The following SHANK2 variants were observed in gnomAD, a reference collection of about 807,000 sequenced individuals.
SHANK2 encodes the protein SH3 and multiple ankyrin repeat domains 2, also known as SH3 and multiple ankyrin repeat domains protein 2.
In SHANK2, 43 loss-of-function variants were observed where a neutral mutation model predicts 133.7. The observed-to-expected ratio is 0.32, with a 90% CI of 0.25 to 0.41. The LOEUF (loss-of-function observed/expected upper bound fraction) is 0.41, where lower values mean the gene tolerates loss of function less well. SHANK2 is among the 10% of genes least tolerant of loss of function. The pLI, the probability that SHANK2 is intolerant of heterozygous loss-of-function variation, is 1.00. For synonymous variants in SHANK2, 1,017 were observed against 952.8 expected, an observed-to-expected ratio of 1.07 and a Z score of -1.24; for missense variants, 1,994 against 2,235.8, an observed-to-expected ratio of 0.89 and a Z score of 2.18.
chr11:70,929,180 G>A (rs1555082106), intron 10 of SHANK2, among the ~76,000 whole-genome samples: 1 of 152,236 alleles, frequency 6.6e-6, no homozygotes, highest in East Asian at 1.9e-4. Context: ...TCATAAGGAA[G>A]CCTCTGCTTT....
At chr11:70,824,246 A>G (rs556975412) in intron 11 of SHANK2, among the ~76,000 whole-genome samples, 8 of 152,138 alleles carry the variant, frequency 5.3e-5, no homozygotes, top group African/African-American at 1.7e-4. Flanking sequence ...GGGGAGCCGC[A>G]CAGAGCTGCG....
At chr11:71,097,625 TG>T in intron 6 of SHANK2, among the ~76,000 whole-genome samples, 1 of 152,194 alleles carries the variant, frequency 6.6e-6, no homozygotes, top group East Asian at 1.9e-4. Flanking sequence ...AGCAGACTGT[TG>T]GCTCCAGGGA....
intron 17 of SHANK2, among the ~76,000 whole-genome samples, chr11:70,559,113 G>A (rs2136119994): frequency 6.6e-6 from 1 of 152,152 alleles, no homozygotes. Context: ...CTGCCTCCAG[G>A]GTTCAAGCTA....
intron 15 of SHANK2, among the ~76,000 whole-genome samples, chr11:70,686,129 T>C (rs1214942066): frequency 7.2e-6 from 1 of 138,724 alleles, no homozygotes; most frequent in Non-Finnish European, 1.6e-5. Flanking sequence ...CATCCATCCA[T>C]CCACCCATCC....
Position 70,907,971 on chromosome 11 carries a change from C to T in SHANK2, c.1108-11404G>A, listed in dbSNP as rs527618871. On this transcript the variant is annotated intron_variant, in intron 10 of 25. Coordinates refer to ENST00000601538, the MANE Select transcript of SHANK2 (RefSeq NM_012309.5). Reference sequence around the variant, plus strand: ...CAAAAACTAGCCAGGCATGGTGGCACGAACCTGTAATCCCAGCTACTTGGG... The same window carrying T: ...CAAAAACTAGCCAGGCATGGTGGCATGAACCTGTAATCCCAGCTACTTGGG... 1,357 of 444,386 alleles carry T rather than the reference C, an allele frequency of 3.1e-3. 22 individuals carry two copies. The highest frequency in any genetic ancestry group is 0.02 in the South Asian group (1,259 of 63,276). The allele number at this position is 444,386 out of a possible 1,614,324, so 27.5% of individuals were successfully genotyped here.
intron 14 of SHANK2, among the ~76,000 whole-genome samples, chr11:70,786,425 G>C (rs1339261667): frequency 6.6e-6 from 1 of 152,124 alleles, no homozygotes; most frequent in African/African-American, 2.4e-5. Context: ...GGTGTTCCCA[G>C]GTATTACTAT....
At chr11:71,058,908 C>G (rs1245187386) in intron 9 of SHANK2, among the ~76,000 whole-genome samples, 1 of 152,232 alleles carries the variant, frequency 6.6e-6, no homozygotes, top group African/African-American at 2.4e-5. Flanking sequence ...CCTGGCAGAT[C>G]AGCAGATTTG....
chr11:70,863,482 G>A (rs1268254822), intron 11 of SHANK2: 1 of 457,784 alleles, frequency 2.2e-6, no homozygotes, highest in African/African-American at 2.0e-5. Context: ...CACGGATTCT[G>A]TGGGGGGTTT....
intron 11 of SHANK2, chr11:70,865,255 G>A (rs1284189504): frequency 2.6e-5 from 4 of 152,126 alleles, no homozygotes; most frequent in Non-Finnish European, 5.9e-5. Context: ...CCCACCACAG[G>A]CTCTAAGGAG....
chr11:70,943,758 G>A (rs1294940639), intron 10 of SHANK2, among the ~76,000 whole-genome samples: 2 of 152,194 alleles, frequency 1.3e-5, no homozygotes, highest in Non-Finnish European at 2.9e-5. Flanking sequence ...CAGCAACAAT[G>A]TCCTGTCTGG....
chr11:70,686,471 T>A (rs1945157519), intron 15 of SHANK2, among the ~76,000 whole-genome samples: 1 of 151,736 alleles, frequency 6.6e-6, no homozygotes, highest in African/African-American at 2.4e-5. Flanking sequence ...CAGCTCCCCA[T>A]CTATCCTTCC....
At chr11:70,690,123 G>A (rs559952013) in intron 15 of SHANK2, among the ~76,000 whole-genome samples, 5 of 152,306 alleles carry the variant, frequency 3.3e-5, no homozygotes, top group South Asian at 2.1e-4. Flanking sequence ...CAGGATGATC[G>A]TCGTGTACTG....
chr11:70,591,755 A>G (rs4980618), intron 17 of SHANK2, among the ~76,000 whole-genome samples: 117,976 of 152,074 alleles, frequency 0.78, 45,989 homozygotes, highest in East Asian at 0.92. Flanking sequence ...GGTGGCTCAC[A>G]CCTGTAATCC....
At chr11:70,701,945 T>TCAC (rs1555023789) in intron 14 of SHANK2, among the ~76,000 whole-genome samples, 1 of 146,036 alleles carries the variant, frequency 6.8e-6, no homozygotes, top group Non-Finnish European at 1.5e-5. Context: ...ACCACCACCA[T>TCAC]CACCACCACC....
intron 2 of SHANK2, among the ~76,000 whole-genome samples, chr11:71,199,460 C>G (rs1455419686): frequency 6.6e-6 from 1 of 152,230 alleles, no homozygotes; most frequent in African/African-American, 2.4e-5. Flanking sequence ...CGTGACCACT[C>G]AGTCAAAATG....
chr11:70,609,340 C>G (rs1211118198), intron 17 of SHANK2, among the ~76,000 whole-genome samples: 1 of 152,232 alleles, frequency 6.6e-6, no homozygotes, highest in Non-Finnish European at 1.5e-5. Flanking sequence ...GTGGCTTTAT[C>G]TGTTCAAATT....
chr11:70,744,996 C>T (rs1377415693), intron 14 of SHANK2, among the ~76,000 whole-genome samples: 6 of 152,362 alleles, frequency 3.9e-5, no homozygotes, highest in African/African-American at 1.4e-4. Flanking sequence ...CCACGGGGGA[C>T]ACCGGCGCCC....
At chr11:71,168,397 G>GACGCT (rs1194586953) in intron 2 of SHANK2, among the ~76,000 whole-genome samples, 1 of 151,472 alleles carries the variant, frequency 6.6e-6, no homozygotes, top group Non-Finnish European at 1.5e-5. Context: ...GCCGGGCAGA[G>GACGCT]ACGCTCCTCA....
Position 70,473,399 on chromosome 11 carries a change from T to C in SHANK2, c.5020A>G (p.Thr1674Ala), listed in dbSNP as rs1565517588. Residue 1674 changes from threonine (T) to alanine (A), a missense_variant, in exon 26 of 26, where the codon ACG becomes GCG. By Grantham distance (58) the Thr-to-Ala change is moderately conservative. Around this residue, in one of 5 missense-constraint regions of SHANK2, gnomAD observed 797 missense variants for 907.4 expected, o/e 0.88. Coordinates refer to ENST00000601538, the MANE Select transcript of SHANK2 (RefSeq NM_012309.5). This position sits in a 1 kb window ranked among gnomAD's most constrained non-coding sequence, Gnocchi z 5.9. Reference sequence around the variant, plus strand: ...GGGCGAACAGTGAAGGTGACCGTCGTGCTCCGTGTACCTGAGATGGTGCTC... The same window carrying C: ...GGGCGAACAGTGAAGGTGACCGTCGCGCTCCGTGTACCTGAGATGGTGCTC... ...IMSTISGTRSTTVTFTVRPGT... is the reference protein window; with the variant it reads ...IMSTISGTRSATVTFTVRPGT... The C allele has an allele frequency of 3.1e-6, 5 of 1,608,482 alleles. No homozygotes were observed. Among genetic ancestry groups the C allele is most frequent in the Non-Finnish European group, 4.2e-6 (5 of 1,179,966 alleles).
Sources: allele counts gnomAD v4.1 joint callset (sites outside exome capture counted in the v4.1 genomes callset), GRCh38; gene constraint gnomAD v4.1.1; regional missense constraint gnomAD v4.1.1; non-coding constraint Gnocchi (gnomAD v3.1); transcripts MANE v1.5; gene names NCBI Gene and HGNC (gene_info 2026-07-23, HGNC 2026-07-21).